Variants in AGBL4 observed in about 807,000 individuals in gnomAD.
The protein encoded by AGBL4 is AGBL carboxypeptidase 4, also known as cytosolic carboxypeptidase 6.
AGBL4 carries 58 observed loss-of-function variants against 66.4 expected under a neutral mutation model. That is an observed-to-expected ratio of 0.87 (90% CI 0.71 to 1.09). The LOEUF (loss-of-function observed/expected upper bound fraction) is 1.09, where lower values mean the gene tolerates loss of function less well. Ranked by LOEUF, AGBL4 falls within the 50% of genes least tolerant of loss-of-function variation. AGBL4 has a pLI of 0.00. For missense variants in AGBL4, 579 were observed against 631.0 expected (o/e 0.92, Z 0.88); for synonymous variants, 234 against 222.9 (o/e 1.05, Z -0.44).
Position 48,601,341 on chromosome 1 carries a change from G to A in AGBL4, c.952-10356C>T, listed in dbSNP as rs567274448. On this transcript the variant is annotated intron_variant, in intron 9 of 13. Transcript: ENST00000371839. ...TAACTGGCTTTGTGCCTACCAAAAT[G>A]TGTGACAGCTTATACACTGTCAATA... Among the ~76,000 whole-genome samples the A allele has an allele frequency of 1.3e-4, 20 of 152,314 alleles. No homozygotes were observed. The South Asian group carries it at 3.7e-3, about 28-fold the overall frequency.
chr1:49,043,551 T>C (rs1281429869), intron 5 of AGBL4, among the ~76,000 whole-genome samples: 1 of 152,192 alleles, frequency 6.6e-6, no homozygotes, highest in African/African-American at 2.4e-5. Context: ...ATTGCATACA[T>C]TGCCCACACC....
At chr1:49,417,020 C>T (rs79696573) in intron 3 of AGBL4, among the ~76,000 whole-genome samples, 4,196 of 152,174 alleles carry the variant, frequency 0.028, 166 homozygotes, top group African/African-American at 0.095. Context: ...TATCTTCACG[C>T]ACTTTCACCC....
At chr1:48,624,285 C>T (rs556686517) in intron 9 of AGBL4, among the ~76,000 whole-genome samples, 2 of 152,292 alleles carry the variant, frequency 1.3e-5, no homozygotes, top group South Asian at 4.2e-4. Context: ...AAAGTTGAGA[C>T]TGCAATGAAT....
intron 1 of AGBL4, among the ~76,000 whole-genome samples, chr1:49,949,951 C>A: frequency 1.4e-5 from 2 of 144,480 alleles, no homozygotes; most frequent in African/African-American, 2.6e-5. Flanking sequence ...TGGAAACAAC[C>A]CAAATGCCAT....
At chr1:49,886,204 T>C (rs955090304) in intron 1 of AGBL4, among the ~76,000 whole-genome samples, 13 of 152,192 alleles carry the variant, frequency 8.5e-5, no homozygotes, top group South Asian at 4.1e-4. Flanking sequence ...CTTCTACTTA[T>C]GTGATAGTCA....
intron 1 of AGBL4, among the ~76,000 whole-genome samples, chr1:49,954,359 G>C (rs1656413166): frequency 6.6e-6 from 1 of 151,846 alleles, no homozygotes; most frequent in Non-Finnish European, 1.5e-5. Flanking sequence ...AGGCCATGAG[G>C]GCTCTGCCCT....
At chr1:48,578,069 T>C (rs928597547) in intron 11 of AGBL4, among the ~76,000 whole-genome samples, 3 of 152,140 alleles carry the variant, frequency 2.0e-5, no homozygotes, top group South Asian at 2.1e-4. Flanking sequence ...GAAATGGAGA[T>C]ACTATCTCAA....
At chr1:49,739,370 A>C (rs1650205121) in intron 2 of AGBL4, among the ~76,000 whole-genome samples, 1 of 152,182 alleles carries the variant, frequency 6.6e-6, no homozygotes, top group Non-Finnish European at 1.5e-5. Flanking sequence ...GAATAAAAAG[A>C]AATGAACAAA....
At position 48,568,461 on chromosome 1, in the gene AGBL4, GCT is replaced by G. The variant is rs559397036; in HGVS notation, c.1267+18541_1267+18542del. Among the ~76,000 whole-genome samples, 74 of 152,262 alleles carry G rather than the reference GCT, an allele frequency of 4.9e-4. 3 individuals carry two copies. In the East Asian group the frequency reaches 0.014, roughly 28 times the overall value. On this transcript the variant is annotated intron_variant, in intron 11 of 13. Coordinates refer to ENST00000371839, the MANE Select transcript of AGBL4 (RefSeq NM_032785.4). ...CTGGGGTAGAGCTGAAGTGGCAGTG[GCT>G]CCCGTGACATGCTCTTCCCGTGGAG...
chr1:49,604,594 G>T (rs1357926491), intron 3 of AGBL4, among the ~76,000 whole-genome samples: 1 of 151,976 alleles, frequency 6.6e-6, no homozygotes, highest in Non-Finnish European at 1.5e-5. Flanking sequence ...CCATTAATTT[G>T]TTCTGTTTTT....
At chr1:49,663,499 C>T (rs1646308335) in intron 3 of AGBL4, among the ~76,000 whole-genome samples, 1 of 152,102 alleles carries the variant, frequency 6.6e-6, no homozygotes, top group African/African-American at 2.4e-5. Context: ...GCATTTGGGT[C>T]TCTGAATTCA....
intron 2 of AGBL4, among the ~76,000 whole-genome samples, chr1:49,722,604 ATTC>A (rs914138757): frequency 4.6e-5 from 7 of 152,166 alleles, no homozygotes; most frequent in Admixed American, 2.0e-4. Context: ...TTTCAAAATC[ATTC>A]TTCTTCAAAG....
At chr1:49,749,972 T>C (rs1416493973) in intron 2 of AGBL4, among the ~76,000 whole-genome samples, 1 of 152,134 alleles carries the variant, frequency 6.6e-6, no homozygotes, top group Non-Finnish European at 1.5e-5. Context: ...TACATGTATG[T>C]ATGAAACAGA....
chr1:48,996,857 G>T lies in AGBL4; in HGVS notation c.594+48727C>A, dbSNP rs574542284. ...TTCCTTCCTTCCTTCCTTCCTTCCT[G>T]TCTACTTATCTATATAAAGATATAA... is the stretch of plus-strand genomic sequence containing the variant. On this transcript the variant is annotated intron_variant, in intron 5 of 13. Transcript: ENST00000371839. Among the ~76,000 whole-genome samples the T allele has an allele frequency of 1.4e-4, 8 of 56,260 alleles. No homozygotes were observed. The South Asian group carries it at 2.3e-3, about 16-fold the overall frequency. 36.9% of individuals were successfully genotyped at this position (56,260 alleles called of 152,430 possible).
At chr1:48,637,601 G>T (rs1014010279) in intron 8 of AGBL4, among the ~76,000 whole-genome samples, 1 of 150,198 alleles carries the variant, frequency 6.7e-6, no homozygotes, top group African/African-American at 2.4e-5. Flanking sequence ...CTTGGGACTG[G>T]GTGATGCGAG....
intron 4 of AGBL4, among the ~76,000 whole-genome samples, chr1:49,241,018 A>G (rs564509242): frequency 3.8e-4 from 58 of 152,050 alleles, no homozygotes; most frequent in African/African-American, 1.4e-3. Context: ...CATCTAGTCA[A>G]CCACAAAGCT....
At chr1:49,404,774 TAAAAC>T (rs767172550) in intron 3 of AGBL4, among the ~76,000 whole-genome samples, 1 of 152,156 alleles carries the variant, frequency 6.6e-6, no homozygotes, top group Non-Finnish European at 1.5e-5. Flanking sequence ...TCATAACAAA[TAAAAC>T]AAATCTAATT....
chr1:49,699,972 A>G (rs903122510), intron 2 of AGBL4, among the ~76,000 whole-genome samples: 51 of 151,874 alleles, frequency 3.4e-4, no homozygotes, highest in Non-Finnish European at 6.8e-4. Context: ...TTTGGTAGTC[A>G]TTGCATTATG....
At chr1:48,613,058 A>G (rs1280012346) in intron 9 of AGBL4, among the ~76,000 whole-genome samples, 1 of 152,014 alleles carries the variant, frequency 6.6e-6, no homozygotes, top group African/African-American at 2.4e-5. Flanking sequence ...TTCTTGAACT[A>G]AGGAGGCGGA....
Sources: gnomAD v4.1 joint callset for allele counts (sites outside exome capture counted in the v4.1 genomes callset) on GRCh38, gnomAD v4.1.1 for gene constraint, MANE v1.5 for transcripts, NCBI Gene and HGNC (gene_info 2026-07-23, HGNC 2026-07-21) for gene names.